MACROD2: variants seen among roughly 807,000 people sequenced by gnomAD.
MACROD2 encodes mono-ADP ribosylhydrolase 2.
Under a neutral mutation model 70.4 loss-of-function variants are expected in MACROD2, and 36 were observed. The observed-to-expected ratio is 0.51, with a 90% confidence interval of 0.39 to 0.68. MACROD2 has a LOEUF of 0.68. Ranked by LOEUF, MACROD2 falls within the 30% of genes least tolerant of loss-of-function variation. The pLI, the probability that MACROD2 is intolerant of heterozygous loss-of-function variation, is 0.00. For missense variants in MACROD2, 496 were observed against 538.4 expected (o/e 0.92, Z 0.78); for synonymous variants, 172 against 178.8 (o/e 0.96, Z 0.30).
chr20:14,757,076 C>G (rs1047533710), intron 5 of MACROD2, among the ~76,000 whole-genome samples: 1 of 152,010 alleles, frequency 6.6e-6, no homozygotes, highest in Non-Finnish European at 1.5e-5. Flanking sequence ...TCTTCATAGC[C>G]GCATGAGAAT....
chr20:14,664,198 A>G (rs567872462), intron 4 of MACROD2, among the ~76,000 whole-genome samples: 1 of 152,140 alleles, frequency 6.6e-6, no homozygotes, highest in Non-Finnish European at 1.5e-5. Flanking sequence ...ATGTGCATCA[A>G]ATACCAGGGT....
At chr20:15,278,535 C>A (rs1483453720) in intron 6 of MACROD2, among the ~76,000 whole-genome samples, 2 of 152,176 alleles carry the variant, frequency 1.3e-5, no homozygotes, top group East Asian at 3.9e-4. Flanking sequence ...TCTCAGGTGT[C>A]TTCCAAGAGC....
chr20:14,361,760 A>C (rs1043294028), intron 3 of MACROD2, among the ~76,000 whole-genome samples: 10 of 152,206 alleles, frequency 6.6e-5, no homozygotes, highest in Non-Finnish European at 1.2e-4. Context: ...GGCTGTGAAC[A>C]GGATGCCAAA....
intron 4 of MACROD2, among the ~76,000 whole-genome samples, chr20:14,517,714 A>G (rs2085118563): frequency 6.6e-6 from 1 of 152,160 alleles, no homozygotes; most frequent in South Asian, 2.1e-4. Context: ...TGTATTGTAT[A>G]TAGGATGAGG....
intron 8 of MACROD2, among the ~76,000 whole-genome samples, chr20:15,507,362 TTTC>T (rs1422848957): frequency 7.1e-6 from 1 of 140,310 alleles, no homozygotes; most frequent in Admixed American, 7.3e-5. Flanking sequence ...TTCCTTCCTT[TTTC>T]TTTCTTTCTC....
intron 5 of MACROD2, among the ~76,000 whole-genome samples, chr20:14,718,257 C>CACT (rs2071419792): frequency 7.9e-6 from 1 of 126,194 alleles, no homozygotes; most frequent in Admixed American, 9.7e-5. Context: ...CACACCACTG[C>CACT]ACTCCAGCCT....
chr20:14,081,366 T>G (rs2053992588), intron 2 of MACROD2, among the ~76,000 whole-genome samples: 1 of 152,206 alleles, frequency 6.6e-6, no homozygotes, highest in Admixed American at 6.5e-5. Context: ...TTCCCTTTAT[T>G]GTAATAGTTT....
intron 5 of MACROD2, among the ~76,000 whole-genome samples, chr20:14,953,052 A>T (rs190642772): frequency 6.6e-6 from 1 of 152,142 alleles, no homozygotes; most frequent in African/African-American, 2.4e-5. Context: ...GGTATGTGTC[A>T]GACTTTCAGT....
At position 14,980,347 on chromosome 20, in the gene MACROD2, A is replaced by G. The variant is rs1296662563; in HGVS notation, c.419-249593A>G. Among the ~76,000 whole-genome samples, 5 of 152,074 alleles carry G rather than the reference A, an allele frequency of 3.3e-5. 1 individual carries two copies. The highest frequency in any genetic ancestry group is 4.4e-5 in the Non-Finnish European group (3 of 67,994). On this transcript the variant is annotated intron_variant, in intron 5 of 17. Coordinates refer to ENST00000684519, the MANE Select transcript of MACROD2 (RefSeq NM_001351661.2). The stretch of plus-strand genomic sequence containing the variant: ...CTAGCAAGCTCAGCCCCCTCCCCAC[A>G]TGATGCCTTGTCCCACCTTGGAACT...
intron 3 of MACROD2, among the ~76,000 whole-genome samples, chr20:14,276,663 T>C (rs1237861179): frequency 6.6e-6 from 1 of 152,062 alleles, no homozygotes; most frequent in African/African-American, 2.4e-5. Context: ...CACTTCATTA[T>C]GCTATTGTAA....
Position 16,038,249 on chromosome 20 carries a change from C to T in MACROD2, c.1154-2952C>T, listed in dbSNP as rs553763693. ...ATAGTTTTTTTCATTAATTTTGCTT[C>T]GGAATCATAACAGTCTTGAAACAGT... On this transcript the variant is annotated intron_variant, in intron 15 of 17. Transcript: ENST00000684519. Among the ~76,000 whole-genome samples, 12 of 151,652 alleles carry T rather than the reference C, an allele frequency of 7.9e-5. No homozygotes were observed. In the South Asian group the frequency reaches 8.3e-4, roughly 11 times the overall value.
At chr20:15,746,375 T>A (rs1001197135) in intron 8 of MACROD2, among the ~76,000 whole-genome samples, 2 of 151,962 alleles carry the variant, frequency 1.3e-5, no homozygotes, top group South Asian at 2.1e-4. Flanking sequence ...TAAACTTTCT[T>A]ATCAATTTGA....
At chr20:15,594,079 T>C (rs2048713900) in intron 8 of MACROD2, among the ~76,000 whole-genome samples, 1 of 152,190 alleles carries the variant, frequency 6.6e-6, no homozygotes, top group Non-Finnish European at 1.5e-5. Context: ...GATTTCAGCA[T>C]GGTGGTTTGG....
chr20:14,335,364 A>G (rs1601499852), intron 3 of MACROD2, among the ~76,000 whole-genome samples: 1 of 152,232 alleles, frequency 6.6e-6, no homozygotes, highest in African/African-American at 2.4e-5. Flanking sequence ...ACAAAGTCTG[A>G]CAGCCACAAG....
At chr20:14,374,457 A>T (rs2083353913) in intron 3 of MACROD2, among the ~76,000 whole-genome samples, 1 of 152,170 alleles carries the variant, frequency 6.6e-6, no homozygotes, top group African/African-American at 2.4e-5. Flanking sequence ...AAATAGATTA[A>T]TGATGTCAGA....
intron 2 of MACROD2, among the ~76,000 whole-genome samples, chr20:14,082,144 C>T (rs2054002816): frequency 6.8e-6 from 1 of 146,440 alleles, no homozygotes. Flanking sequence ...ATGGTTTAAA[C>T]TTCAATGTTT....
At chr20:14,483,310 T>C (rs1184882313) in intron 3 of MACROD2, among the ~76,000 whole-genome samples, 2 of 152,232 alleles carry the variant, frequency 1.3e-5, no homozygotes, top group Non-Finnish European at 2.9e-5. Flanking sequence ...CTTGAAATTC[T>C]TATTGAGCTG....
intron 6 of MACROD2, among the ~76,000 whole-genome samples, chr20:15,326,013 C>G (rs754763430): frequency 5.9e-5 from 9 of 152,112 alleles, no homozygotes; most frequent in Non-Finnish European, 1.2e-4. Flanking sequence ...ATATGTGCTT[C>G]TAGAGAACAA....
intron 2 of MACROD2, among the ~76,000 whole-genome samples, chr20:14,080,744 TG>T (rs2053982497): frequency 6.6e-6 from 1 of 152,154 alleles, no homozygotes; most frequent in Admixed American, 6.6e-5. Flanking sequence ...TGCCATCTTA[TG>T]CATTTTCTCA....
Sources: allele counts gnomAD v4.1 joint callset (sites outside exome capture counted in the v4.1 genomes callset), GRCh38; gene constraint gnomAD v4.1.1; transcripts MANE v1.5; gene names NCBI Gene and HGNC (gene_info 2026-07-23, HGNC 2026-07-21).